The following ABCA10 variants were observed in gnomAD, a reference collection of about 807,000 sequenced individuals.
ABCA10 encodes ATP binding cassette subfamily A member 10, also known as ATP-binding cassette sub-family A member 10.
A neutral mutation model predicts 187.5 loss-of-function variants in ABCA10; 169 were observed. The ratio of observed to expected loss-of-function variants is 0.90; its 90% confidence interval spans 0.80 to 1.02. The LOEUF (loss-of-function observed/expected upper bound fraction) is 1.02. Among genes scored for constraint, ABCA10 ranks in the 50% least tolerant of loss-of-function variants. The pLI is 0.00. For missense variants in ABCA10, 1,727 were observed against 1,812.4 expected (o/e 0.95, Z 0.86); for synonymous variants, 574 against 601.8 (o/e 0.95, Z 0.68).
chr17:69,168,309 C>T (rs542283417), intron 25 of ABCA10, among the ~76,000 whole-genome samples: 1 of 152,066 alleles, frequency 6.6e-6, no homozygotes, highest in African/African-American at 2.4e-5. Context: ...CTTACTCCGA[C>T]GTTGTTCAAG....
intron 27 of ABCA10, among the ~76,000 whole-genome samples, chr17:69,163,764 T>C (rs1598090336): frequency 6.6e-6 from 1 of 152,222 alleles, no homozygotes; most frequent in East Asian, 1.9e-4. Flanking sequence ...TATTAACACA[T>C]ATTTACTTGA....
chr17:69,237,234 G>A (rs576770753), intron 1 of ABCA10, among the ~76,000 whole-genome samples: 5 of 152,142 alleles, frequency 3.3e-5, no homozygotes, highest in Admixed American at 6.5e-5. Context: ...AACCCTAAAC[G>A]TAGCCTTAGG....
chr17:69,181,352 A>G (rs2074379973), intron 22 of ABCA10, among the ~76,000 whole-genome samples: 1 of 152,160 alleles, frequency 6.6e-6, no homozygotes, highest in African/African-American at 2.4e-5. Context: ...TGTATATGGT[A>G]AACCAAAGTC....
At chr17:69,192,309 A>AG in intron 16 of ABCA10, among the ~76,000 whole-genome samples, 1 of 110,748 alleles carries the variant, frequency 9.0e-6, no homozygotes, top group African/African-American at 3.8e-5. Flanking sequence ...CTGTGTCTTC[A>AG]AAAAAACAAA....
At position 69,185,490 on chromosome 17, in the gene ABCA10, G is replaced by A. The variant is rs1449063577; in HGVS notation, c.2484C>T (p.Ile828=). The A allele has an allele frequency of 1.2e-5, 20 of 1,611,984 alleles. No homozygotes were observed. The highest frequency in any genetic ancestry group is 2.2e-5 in the East Asian group (1 of 44,830). The change falls in exon 20 of 39, where the codon ATC becomes ATT. Residue 828 remains isoleucine (I), a synonymous_variant. Coordinates refer to ENST00000690296, the MANE Select transcript of ABCA10 (RefSeq NM_001377321.1). ...CCCATTTCTCACCTGTATTATTAACGATTAACAGGCTGGTAAGAGGCGTCT... is the reference window on the plus strand; with the variant it reads ...CCCATTTCTCACCTGTATTATTAACAATTAACAGGCTGGTAAGAGGCGTCT... ...IPKTPLTSLL[I]VNNTGSNIED... is the part of the protein sequence containing the mutation.
chr17:69,238,197 C>G (rs934411086), intron 1 of ABCA10, among the ~76,000 whole-genome samples: 23 of 151,700 alleles, frequency 1.5e-4, no homozygotes, highest in Non-Finnish European at 2.4e-4. Context: ...CTACCAGAAG[C>G]TAGAAAAGAG....
chr17:69,176,900 C>T (rs1427919666), intron 22 of ABCA10, among the ~76,000 whole-genome samples: 1 of 152,094 alleles, frequency 6.6e-6, no homozygotes, highest in East Asian at 1.9e-4. Context: ...AGTGTACAAG[C>T]AGTTTGGGTC....
chr17:69,195,554 CT>C (rs59069489), intron 11 of ABCA10, among the ~76,000 whole-genome samples: 13 of 102,978 alleles, frequency 1.3e-4, no homozygotes, highest in African/African-American at 2.1e-4. Flanking sequence ...TGAAGTTTTT[CT>C]TTTTTTTTTT....
At chr17:69,153,643 A>G in intron 32 of ABCA10, 97 bp from the exon 33 acceptor site, 1 of 1,493,988 alleles carries the variant, frequency 6.7e-7, no homozygotes, top group South Asian at 1.3e-5. Flanking sequence ...TCTAGATAGT[A>G]AATTTAAGCT....
intron 27 of ABCA10, among the ~76,000 whole-genome samples, chr17:69,157,309 T>A (rs16973672): frequency 0.025 from 3,754 of 152,264 alleles, 191 homozygotes; most frequent in East Asian, 0.12. Flanking sequence ...TTTCATGCCA[T>A]GTCCAGGAGC....
chr17:69,169,279 T>C (rs1165240359), intron 25 of ABCA10, among the ~76,000 whole-genome samples: 1 of 152,210 alleles, frequency 6.6e-6, no homozygotes, highest in Non-Finnish European at 1.5e-5. Flanking sequence ...ATCATTATAC[T>C]TTCCTAAGGG....
chr17:69,151,896 A>T, intron 36 of ABCA10, 147 bp downstream of exon 36: 2 of 1,254,796 alleles, frequency 1.6e-6, no homozygotes. Flanking sequence ...AGTTTTTGTA[A>T]CGCATCCTAG....
Position 69,148,842 on chromosome 17 carries a change from T to A in ABCA10, c.4617A>T (p.Pro1539=). Residue 1539 remains proline, a synonymous_variant, in exon 39 of 39, where the codon CCA becomes CCT. Transcript: ENST00000690296. ...GTTCTTCATTTTAAGGGTCTTCCTG[T>A]GGGAGAAGTTTCCATTCAACTGTTG... ...IDTTVEWKLL[P]QEDP is the part of the protein sequence containing the mutation. 1 of 1,612,520 alleles carries A rather than the reference T, an allele frequency of 6.2e-7. No homozygotes were observed. The highest frequency in any genetic ancestry group is 8.5e-7 in the Non-Finnish European group (1 of 1,179,688).
At chr17:69,216,749 C>T (rs761905508) in intron 6 of ABCA10, among the ~76,000 whole-genome samples, 60 of 152,164 alleles carry the variant, frequency 3.9e-4, no homozygotes, top group Middle Eastern at 3.4e-3. Flanking sequence ...GGAAAAACAA[C>T]GACAATCTCC....
chr17:69,217,584 A>G (rs2074715933), intron 6 of ABCA10, among the ~76,000 whole-genome samples: 1 of 152,236 alleles, frequency 6.6e-6, no homozygotes, highest in Admixed American at 6.5e-5. Context: ...AACAATAAGA[A>G]AAAACAAGCT....
In ABCA10 at chr17:69,153,503, C is replaced by G; in HGVS notation, c.4009G>C (p.Val1337Leu). ...TTTATTCCCTCTGATAGAGTTTTCA[C>G]AGGAGCCTTAAGTTGTTCCTGGAGC... Reference protein sequence around the residue: ...LKLQEQLKAPVKTLSEGIKRK... With the variant: ...LKLQEQLKAPLKTLSEGIKRK... Residue 1337 changes from valine (V) to leucine (L), a missense_variant, in exon 33 of 39, where the codon GTG (valine) becomes CTG (leucine). Coordinates refer to ENST00000690296, the MANE Select transcript of ABCA10 (RefSeq NM_001377321.1). 1.2e-6 allele frequency: 2 copies of G among 1,614,142 alleles called. No individual in the cohort carries two copies. Among genetic ancestry groups the G allele is most frequent in the Non-Finnish European group, 1.7e-6 (2 of 1,180,018 alleles).
At chr17:69,194,756 A>G (rs2144807312) in intron 11 of ABCA10, among the ~76,000 whole-genome samples, 1 of 152,332 alleles carries the variant, frequency 6.6e-6, no homozygotes, top group African/African-American at 2.4e-5. Context: ...AAGAATCTAT[A>G]CACTTAATAT....
At chr17:69,211,120 A>C (rs1210063000) in intron 9 of ABCA10, among the ~76,000 whole-genome samples, 2 of 150,896 alleles carry the variant, frequency 1.3e-5, no homozygotes, top group African/African-American at 2.4e-5. Context: ...CAGCAATCCT[A>C]CTACTAGTTA....
chr17:69,191,644 T>C (rs1185690419), intron 16 of ABCA10, among the ~76,000 whole-genome samples: 1 of 126,038 alleles, frequency 7.9e-6, no homozygotes, highest in Non-Finnish European at 1.7e-5. Context: ...TACATGTGTA[T>C]AAAAGTTATT....
Sources: gnomAD v4.1 joint callset for allele counts (sites outside exome capture counted in the v4.1 genomes callset) on GRCh38, gnomAD v4.1.1 for gene constraint, MANE v1.5 for transcripts, NCBI Gene and HGNC (gene_info 2026-07-23, HGNC 2026-07-21) for gene names.